Variants in LTBP1 observed in about 807,000 individuals in gnomAD.
The protein encoded by LTBP1 is latent-transforming growth factor beta-binding protein 1.
In LTBP1, 129 loss-of-function variants were observed where a neutral mutation model predicts 207.6. The ratio of observed to expected loss-of-function variants is 0.62; its 90% CI spans 0.54 to 0.72. The LOEUF (loss-of-function observed/expected upper bound fraction) is 0.72. Ranked by LOEUF, LTBP1 falls within the 30% of genes least tolerant of loss-of-function variation. LTBP1 has a pLI of 0.00. For missense variants in LTBP1, 2,281 were observed against 2,217.2 expected, an observed-to-expected ratio of 1.03 and a Z score of -0.58; for synonymous variants, 963 against 833.7, an observed-to-expected ratio of 1.16 and a Z score of -2.67.
intron 2 of LTBP1, among the ~76,000 whole-genome samples, chr2:32,990,242 G>A (rs113516208): frequency 8.5e-4 from 130 of 152,320 alleles, no homozygotes; most frequent in African/African-American, 3.0e-3. Context: ...CAATAAGCTC[G>A]TAAACTCTCT....
Position 32,947,662 on chromosome 2 carries a change from T to A in LTBP1, c.338T>A (p.Val113Asp), listed in dbSNP as rs766326402. The A allele has an allele frequency of 7.0e-7, 1 of 1,428,160 alleles. No homozygotes were observed. The highest frequency in any genetic ancestry group is 9.2e-7 in the Non-Finnish European group (1 of 1,086,250). The allele number at this position is 1,428,160 out of a possible 1,614,324, so 88.5% of individuals were successfully genotyped here. ...CCGCCGGAGCCTGCGCGTCCCGCGG[T>A]CCCCGGCGGGCAGCTCCACCCCAAT... ...PPPPEPARPA[V>D]PGGQLHPNPG... Residue 113 changes from valine to aspartate, a missense_variant, in exon 1 of 34, where the codon GTC (valine) becomes GAC (aspartate). By Grantham distance (152) the Val-to-Asp change is radical (BLOSUM62 -3). Transcript: ENST00000404816.
rs376235242 is a variant in LTBP1 at position 33,195,604 on chromosome 2, A to G, written c.1701+6753A>G. ...AGCTGCTGCTTATGAATGAGCAAAGAAAGTGCTTTCATGAGATGAAATCGA... is the reference window on the plus strand; with the variant it reads ...AGCTGCTGCTTATGAATGAGCAAAGGAAGTGCTTTCATGAGATGAAATCGA... On this transcript the variant is annotated intron_variant, in intron 7 of 33. Transcript: ENST00000404816. Among the ~76,000 whole-genome samples the G allele has an allele frequency of 8.5e-5, 13 of 152,344 alleles. No homozygotes were observed. The East Asian group carries it at 2.1e-3, about 25-fold the overall frequency.
At chr2:33,362,900 C>T (rs2094942690) in intron 28 of LTBP1, among the ~76,000 whole-genome samples, 1 of 152,152 alleles carries the variant, frequency 6.6e-6, no homozygotes, top group Non-Finnish European at 1.5e-5. Flanking sequence ...GCTATTAATT[C>T]TGTGGGGGAA....
At chr2:33,285,614 A>G (rs955547496) in intron 19 of LTBP1, among the ~76,000 whole-genome samples, 1 of 150,984 alleles carries the variant, frequency 6.6e-6, no homozygotes, top group Non-Finnish European at 1.5e-5. Context: ...ATGCCCGGCT[A>G]ATTTTTGTAT....
chr2:33,196,609 A>G (rs78780574), intron 7 of LTBP1, among the ~76,000 whole-genome samples: 2,757 of 152,312 alleles, frequency 0.018, 51 homozygotes, highest in Middle Eastern at 0.051. Flanking sequence ...TTGTGAAGAC[A>G]AGGATGATGA....
chr2:33,182,223 A>G (rs1412138737), intron 5 of LTBP1, among the ~76,000 whole-genome samples: 3 of 152,144 alleles, frequency 2.0e-5, no homozygotes, highest in African/African-American at 7.2e-5. Flanking sequence ...ATGCTGGTAT[A>G]GTCCTTGAAA....
At chr2:33,020,882 G>C in intron 2 of LTBP1, 27 bp from the exon 3 acceptor site, 3 of 1,546,450 alleles carry the variant, frequency 1.9e-6, no homozygotes, top group Non-Finnish European at 2.6e-6. Flanking sequence ...GTTCTTCAAA[G>C]CTGTGCCTTC....
intron 26 of LTBP1, among the ~76,000 whole-genome samples, chr2:33,350,283 G>A (rs2094762794): frequency 6.6e-6 from 1 of 152,148 alleles, no homozygotes; most frequent in Non-Finnish European, 1.5e-5. Context: ...CCAACAATGA[G>A]CAGTAGCATG....
chr2:33,153,080 G>T (rs1308512609), intron 5 of LTBP1, among the ~76,000 whole-genome samples: 1 of 152,204 alleles, frequency 6.6e-6, no homozygotes, highest in African/African-American at 2.4e-5. Flanking sequence ...TAAATGAGAT[G>T]AGGCTCTCTT....
At chr2:33,254,852 G>GTTTTTTTTGTTTTTT (rs2092795095) in intron 11 of LTBP1, among the ~76,000 whole-genome samples, 1 of 10,366 alleles carries the variant, frequency 9.6e-5, no homozygotes, top group Non-Finnish European at 1.5e-4. Flanking sequence ...GCGGTGTTTG[G>GTTTTTTTTGTTTTTT]TTTTTTTTTT....
At chr2:33,178,508 G>A (rs537187390) in intron 5 of LTBP1, among the ~76,000 whole-genome samples, 142 of 152,068 alleles carry the variant, frequency 9.3e-4, no homozygotes, top group African/African-American at 3.3e-3. Context: ...ATTTACTAAT[G>A]CCCACCAGCA....
intron 5 of LTBP1, among the ~76,000 whole-genome samples, chr2:33,170,221 G>T (rs113858037): frequency 2.0e-5 from 3 of 152,188 alleles, no homozygotes; most frequent in Admixed American, 6.5e-5. Context: ...CTCGGGAAGC[G>T]CAAGGGGTCA....
intron 26 of LTBP1, among the ~76,000 whole-genome samples, chr2:33,358,927 A>G (rs1257274056): frequency 6.6e-6 from 1 of 152,210 alleles, no homozygotes; most frequent in Non-Finnish European, 1.5e-5. Context: ...CGTTCCGTTA[A>G]GAGTACGCAA....
intron 9 of LTBP1, among the ~76,000 whole-genome samples, chr2:33,239,654 A>G (rs927898038): frequency 2.6e-5 from 4 of 151,622 alleles, no homozygotes; most frequent in African/African-American, 9.7e-5. Context: ...GCACTTTGGG[A>G]GGCCGAGGTG....
At chr2:32,993,373 C>T (rs866864690) in intron 2 of LTBP1, among the ~76,000 whole-genome samples, 3 of 152,132 alleles carry the variant, frequency 2.0e-5, no homozygotes, top group East Asian at 1.9e-4. Context: ...CAGGAAAAAA[C>T]GGAAAACAAT....
rs370933815 is a variant in LTBP1, at chr2:33,020,951, G to A, written c.608G>A (p.Arg203Gln). 20 of 1,603,914 alleles carry A rather than the reference G, an allele frequency of 1.2e-5. No homozygotes were observed. The highest frequency in any genetic ancestry group is 1.2e-4 in the Admixed American group (7 of 59,646). ...PPCQNGGMCL[R>Q]PQLCVCKPGT... ...TGTCAGAATGGAGGGATGTGTCTCC[G>A]GCCACAACTCTGTGTGTGTAAACCA... is the stretch of plus-strand genomic sequence containing the variant. Residue 203 changes from arginine (R) to glutamine (Q), a missense_variant, in exon 3 of 34, where the codon CGG becomes CAG. By Grantham distance (43) the Arg-to-Gln change is conservative (BLOSUM62 1). This residue lies in a region of LTBP1 where 555 missense variants were observed against 491.0 expected (regional missense o/e 1.13). Coordinates refer to ENST00000404816, the MANE Select transcript of LTBP1 (RefSeq NM_206943.4).
At chr2:33,394,687 A>C (rs989162850) in intron 32 of LTBP1, among the ~76,000 whole-genome samples, 2 of 152,186 alleles carry the variant, frequency 1.3e-5, no homozygotes, top group South Asian at 4.1e-4. Context: ...TACGAGCATC[A>C]TGCTGTTTTG....
Position 33,149,765 on chromosome 2 carries a change from A to AT in LTBP1, c.1201+14806dup, listed in dbSNP as rs1179816667. Among the ~76,000 whole-genome samples, 10 of 152,318 alleles carry AT rather than the reference A, an allele frequency of 6.6e-5. No homozygotes were observed. The East Asian group carries it at 1.9e-3, about 29-fold the overall frequency. ...TTTTGCACGTCTCAGAAGTGATCGTATAACAGAAACTGCTTTTCAGCACTG... is the reference window on the plus strand; with the variant it reads ...TTTTGCACGTCTCAGAAGTGATCGTATTAACAGAAACTGCTTTTCAGCACTG... On this transcript the variant is annotated intron_variant, in intron 5 of 33. Coordinates refer to ENST00000404816, the MANE Select transcript of LTBP1 (RefSeq NM_206943.4).
rs114283642 is a variant in LTBP1 at position 33,066,202 on chromosome 2, T to A, written c.864-44380T>A. Among the ~76,000 whole-genome samples, 1,106 of 152,346 alleles carry A rather than the reference T, an allele frequency of 7.3e-3. 11 individuals are homozygous for A. Among genetic ancestry groups the A allele is most frequent in the African/African-American group, 0.026 (1,065 of 41,576 alleles). On this transcript the variant is annotated intron_variant, in intron 3 of 33. Coordinates refer to ENST00000404816, the MANE Select transcript of LTBP1 (RefSeq NM_206943.4). ...TTTATGTAGTCTTATCTGTTAATTT[T>A]TTCTATATGGTTTTTGGCCCTAACA...
Sources: allele counts gnomAD v4.1 joint callset (sites outside exome capture counted in the v4.1 genomes callset), GRCh38; gene constraint gnomAD v4.1.1; regional missense constraint gnomAD v4.1.1; transcripts MANE v1.5; gene names NCBI Gene and HGNC (gene_info 2026-07-23, HGNC 2026-07-21).